ZBTB20: variants seen among roughly 807,000 people sequenced by gnomAD.
The protein encoded by ZBTB20 is zinc finger and BTB domain-containing protein 20.
In ZBTB20, 9 loss-of-function variants were observed where a neutral mutation model predicts 56.9. That is an observed-to-expected ratio of 0.16 (90% confidence interval 0.10 to 0.28). The LOEUF is 0.28. ZBTB20 is among the 10% of genes least tolerant of loss of function. The pLI, the probability that ZBTB20 is intolerant of heterozygous loss-of-function variation, is 1.00. For missense variants in ZBTB20, 655 were observed against 1,003.0 expected (o/e 0.65, Z 4.69); for synonymous variants, 417 against 420.7 (o/e 0.99, Z 0.11).
intron 2 of ZBTB20, among the ~76,000 whole-genome samples, chr3:115,015,858 T>C (rs1389238909): frequency 2.0e-5 from 3 of 151,890 alleles, no homozygotes; most frequent in Non-Finnish European, 4.4e-5. Context: ...CTGGGTCAAA[T>C]GGTATTTCTG....
At chr3:114,867,024 A>G (rs2075793185) in intron 4 of ZBTB20, among the ~76,000 whole-genome samples, 1 of 152,192 alleles carries the variant, frequency 6.6e-6, no homozygotes, top group African/African-American at 2.4e-5. Context: ...AGAAATAGTT[A>G]ATGAATGTTT....
intron 7 of ZBTB20, among the ~76,000 whole-genome samples, chr3:114,436,528 T>A (rs1263143712): frequency 6.6e-6 from 1 of 152,164 alleles, no homozygotes; most frequent in Non-Finnish European, 1.5e-5. Context: ...CACAAAACAT[T>A]TGGGTTTTAA....
At chr3:114,789,266 T>C (rs2070770593) in intron 5 of ZBTB20, among the ~76,000 whole-genome samples, 1 of 152,200 alleles carries the variant, frequency 6.6e-6, no homozygotes, top group African/African-American at 2.4e-5. Context: ...TTATGCATAA[T>C]GTTAAAGCTT....
intron 1 of ZBTB20, chr3:115,100,692 GTTC>G (rs1202665255): frequency 6.6e-6 from 1 of 152,212 alleles, no homozygotes. Context: ...TATTGTTTCA[GTTC>G]TGGCAGTACA....
chr3:114,989,640 A>C (rs1047933888), intron 2 of ZBTB20, among the ~76,000 whole-genome samples: 1 of 152,178 alleles, frequency 6.6e-6, no homozygotes. Context: ...TCTGTGAAGA[A>C]AGTCATTGGT....
Position 114,949,962 on chromosome 3 carries a change from A to T in ZBTB20, c.-456+24404T>A, listed in dbSNP as rs139735389. Among the ~76,000 whole-genome samples, 74 of 152,290 alleles carry T rather than the reference A, an allele frequency of 4.9e-4. No individual in the cohort carries two copies. The East Asian group carries it at 0.013, about 26-fold the overall frequency. Reference sequence around the variant, plus strand: ...CCTTTCAACATGCACATCACAAAAGAGGATACCCAAGTGGAAAATAAACAT... The same window carrying T: ...CCTTTCAACATGCACATCACAAAAGTGGATACCCAAGTGGAAAATAAACAT... On this transcript the variant is annotated intron_variant, in intron 3 of 11. Coordinates refer to ENST00000675478, the MANE Select transcript of ZBTB20 (RefSeq NM_001348800.3).
At chr3:114,548,127 G>A (rs899297606) in intron 6 of ZBTB20, among the ~76,000 whole-genome samples, 26 of 152,230 alleles carry the variant, frequency 1.7e-4, no homozygotes, top group African/African-American at 6.3e-4. Flanking sequence ...AGAGACACAT[G>A]TGCATGTGCA....
chr3:114,777,586 C>T (rs979467603), intron 5 of ZBTB20, among the ~76,000 whole-genome samples: 1 of 152,118 alleles, frequency 6.6e-6, no homozygotes, highest in Non-Finnish European at 1.5e-5. Context: ...ATTAAAAAGT[C>T]AGGAAACAAC....
At chr3:115,137,535 TA>T (rs2084683780) in intron 1 of ZBTB20, among the ~76,000 whole-genome samples, 1 of 152,066 alleles carries the variant, frequency 6.6e-6, no homozygotes, top group Non-Finnish European at 1.5e-5. Flanking sequence ...CAGATAAAAT[TA>T]AATCTTTCTT....
chr3:114,984,139 C>A (rs750239796), intron 2 of ZBTB20, among the ~76,000 whole-genome samples: 1 of 151,982 alleles, frequency 6.6e-6, no homozygotes, highest in Non-Finnish European at 1.5e-5. Flanking sequence ...ACTTATTTTT[C>A]TTCTGTGAGA....
At chr3:114,623,281 C>T (rs2058445427) in intron 6 of ZBTB20, among the ~76,000 whole-genome samples, 1 of 152,122 alleles carries the variant, frequency 6.6e-6, no homozygotes, top group Non-Finnish European at 1.5e-5. Context: ...GACTCCTCTG[C>T]CAGTCTCACA....
chr3:115,087,981 T>C (rs1049997754), intron 1 of ZBTB20, among the ~76,000 whole-genome samples: 1 of 151,892 alleles, frequency 6.6e-6, no homozygotes, highest in Non-Finnish European at 1.5e-5. Flanking sequence ...AAATGGTTCA[T>C]TGTTGGGATA....
chr3:114,418,378 C>T (rs1391788110), intron 7 of ZBTB20, among the ~76,000 whole-genome samples: 2 of 152,006 alleles, frequency 1.3e-5, no homozygotes, highest in African/African-American at 4.8e-5. Flanking sequence ...CTTTAGCTTT[C>T]TGAGTCATGC....
At chr3:114,712,202 G>A (rs1024917770) in intron 5 of ZBTB20, among the ~76,000 whole-genome samples, 1 of 152,104 alleles carries the variant, frequency 6.6e-6, no homozygotes, top group African/African-American at 2.4e-5. Flanking sequence ...CCTGAACACA[G>A]GGGATCAGAG....
chr3:114,906,670 G>C (rs938960827), intron 3 of ZBTB20, among the ~76,000 whole-genome samples: 10 of 151,334 alleles, frequency 6.6e-5, no homozygotes, highest in African/African-American at 2.2e-4. Context: ...TAGGAGAAGG[G>C]GCTCACTATT....
chr3:114,376,554 G>C (rs2083656404), intron 10 of ZBTB20, among the ~76,000 whole-genome samples: 3 of 152,160 alleles, frequency 2.0e-5, no homozygotes, highest in Admixed American at 2.0e-4. Flanking sequence ...TGGTTGGGAG[G>C]GGGAGGCCAA....
chr3:114,868,223 A>G lies in ZBTB20; in HGVS notation c.-417+32081T>C, dbSNP rs559319272. The stretch of plus-strand genomic sequence containing the variant: ...TTTTTCTCAAGGAAAAGTGCTTATC[A>G]TTGCCAAAATCCCCAAAGTAACCAC... On this transcript the variant is annotated intron_variant, in intron 4 of 11. Coordinates refer to ENST00000675478, the MANE Select transcript of ZBTB20 (RefSeq NM_001348800.3). 8.2e-4 allele frequency among the ~76,000 whole-genome samples: 125 copies of G among 152,348 alleles called. 2 individuals carry two copies. Among genetic ancestry groups the G allele is most frequent in the Middle Eastern group, 6.8e-3 (2 of 294 alleles).
intron 2 of ZBTB20, among the ~76,000 whole-genome samples, chr3:115,069,592 G>C (rs540771444): frequency 4.6e-5 from 7 of 151,864 alleles, no homozygotes; most frequent in Non-Finnish European, 8.8e-5. Context: ...TAAATCCTGA[G>C]AAAAAAAGGT....
rs60383315 is a variant in ZBTB20, at chr3:114,315,568, A to AGTGTGTGTGTGTGTGT, written c.*23421_*23436dup. On this transcript the variant is annotated 3_prime_UTR_variant, in exon 12 of 12. Transcript: ENST00000675478. ...GTGTGTATTTTAGGTCTAAACATAC[A>AGTGTGTGTGTGTGTGT]GTGTGTGTGTGTGTGTGTGTGTGTG... 19 of 147,702 alleles carry AGTGTGTGTGTGTGTGT rather than the reference A, an allele frequency of 1.3e-4. No homozygotes were observed. The highest frequency in any genetic ancestry group is 3.8e-4 in the African/African-American group (15 of 39,866). The allele number at this position is 147,702 out of a possible 1,614,324, so 9.1% of individuals were successfully genotyped here.
Sources: allele counts gnomAD v4.1 joint callset (sites outside exome capture counted in the v4.1 genomes callset), GRCh38; gene constraint gnomAD v4.1.1; transcripts MANE v1.5; gene names NCBI Gene and HGNC (gene_info 2026-07-23, HGNC 2026-07-21).